Variants in UGT2B15 observed in about 807,000 individuals in gnomAD.
UGT2B15 encodes UDP glucuronosyltransferase family 2 member B15.
UGT2B15 carries 36 observed loss-of-function variants against 45.9 expected under a neutral mutation model. The ratio of observed to expected loss-of-function variants is 0.78; its 90% CI spans 0.60 to 1.04. The LOEUF (loss-of-function observed/expected upper bound fraction) is 1.04, where lower values mean the gene tolerates loss of function less well. Among genes scored for constraint, UGT2B15 ranks in the 50% least tolerant of loss-of-function variants. The probability of loss-of-function intolerance (pLI) is 0.00; values close to 1 mark genes in which losing one functional copy is unlikely to be tolerated. For missense variants in UGT2B15, 617 were observed against 622.4 expected (o/e 0.99, Z 0.09); for synonymous variants, 219 against 216.4 (o/e 1.01, Z -0.11).
rs748258349 is a variant in UGT2B15, at chr4:68,670,443, G to A, written c.176C>T (p.Ser59Leu). 9.9e-6 allele frequency: 16 copies of A among 1,613,768 alleles called. No homozygotes were observed. Among genetic ancestry groups the A allele is most frequent in the Middle Eastern group, 3.3e-4 (2 of 6,062 alleles). The change falls in exon 1 of 6, where the codon TCG becomes TTG. Residue 59 changes from serine (S) to leucine (L), a missense_variant. Physicochemically the swap from Ser to Leu is moderately radical, Grantham distance 145. This residue lies in a region of UGT2B15 where 351 missense variants were observed against 342.1 expected (regional missense o/e 1.03). Coordinates refer to ENST00000338206, the MANE Select transcript of UGT2B15 (RefSeq NM_001076.4). ...RGHEVTVLTS[S>L]ASTLVNASKS... ...ACTGGCATTGACAAGAGTAGAAGCC[G>A]AAGATGTCAACACAGTCACCTCATG... is the stretch of plus-strand genomic sequence containing the variant.
intron 1 of UGT2B15, 72 bp downstream of exon 1, chr4:68,669,823 T>C (rs1578202205): frequency 1.3e-6 from 2 of 1,519,822 alleles, no homozygotes; most frequent in Non-Finnish European, 1.8e-6. Flanking sequence ...TGACATTATA[T>C]TTATATAAGC....
rs776445543 is a variant in UGT2B15, at chr4:68,647,182, C to T, written c.1515G>A (p.Val505=). ...GGCAAAATTTTGTGATGATAAATAT[C>T]ACAGTTGCCACGCAGGCCAGCAGGA... ...IAFLLACVAT[V]IFIITKFCLF... The change falls in exon 6 of 6, where the codon GTG becomes GTA. Residue 505 remains valine, a synonymous_variant. Coordinates refer to ENST00000338206, the MANE Select transcript of UGT2B15 (RefSeq NM_001076.4). 37 of 1,613,750 alleles carry T rather than the reference C, an allele frequency of 2.3e-5. 1 individual carries two copies. The highest frequency in any genetic ancestry group is 2.0e-4 in the South Asian group (18 of 91,070).
At chr4:68,655,642 T>C (rs1732782053) in intron 3 of UGT2B15, among the ~76,000 whole-genome samples, 1 of 152,096 alleles carries the variant, frequency 6.6e-6, no homozygotes, top group Non-Finnish European at 1.5e-5. Flanking sequence ...ACCTATGACC[T>C]GGAAGCCCCT....
chr4:68,650,086 A>G (rs12507243), intron 5 of UGT2B15, among the ~76,000 whole-genome samples: 20 of 151,936 alleles, frequency 1.3e-4, no homozygotes, highest in Admixed American at 1.3e-3. Flanking sequence ...TGCCCTCCTC[A>G]GCCTCCCAAA....
chr4:68,652,718 T>TAAAA (rs879826657), intron 5 of UGT2B15, among the ~76,000 whole-genome samples: 3 of 148,292 alleles, frequency 2.0e-5, no homozygotes, highest in Non-Finnish European at 1.5e-5. Flanking sequence ...TTCCAAAAAG[T>TAAAA]AAAAAAAAAA....
At position 68,655,135 on chromosome 4, in the gene UGT2B15, A is replaced by G. The variant is rs1172631602; in HGVS notation, c.1053T>C (p.Asn351=). 6 of 1,613,352 alleles carry G rather than the reference A, an allele frequency of 3.7e-6. No individual in the cohort carries two copies. The South Asian group carries it at 4.4e-5, about 12-fold the overall frequency. Residue 351 remains asparagine, a synonymous_variant, in exon 4 of 6, where the codon AAT becomes AAC. Coordinates refer to ENST00000338206, the MANE Select transcript of UGT2B15 (RefSeq NM_001076.4). The part of the protein sequence containing the change: ...DGKKPNTLGS[N]TRLYKWLPQN... ...GGGGTAACCACTTGTACAGTCGAGT[A>G]TTGGAACCTAAAGTATTTGGCTTCT...
At chr4:68,649,331 T>C (rs1256567308) in intron 5 of UGT2B15, among the ~76,000 whole-genome samples, 12 of 133,584 alleles carry the variant, frequency 9.0e-5, no homozygotes, top group Non-Finnish European at 1.5e-4. Flanking sequence ...CAGGCTTGAG[T>C]GCAATGGAGT....
At chr4:68,656,637 C>T (rs868282115) in intron 3 of UGT2B15, among the ~76,000 whole-genome samples, 2 of 152,068 alleles carry the variant, frequency 1.3e-5, no homozygotes, top group African/African-American at 4.8e-5. Flanking sequence ...TTTACTTTTC[C>T]TCCACCCTAT....
At position 68,660,224 on chromosome 4, in the gene UGT2B15, A is replaced by C. The variant is rs542155965; in HGVS notation, c.1005+2784T>G. Among the ~76,000 whole-genome samples the C allele has an allele frequency of 7.3e-4, 110 of 151,188 alleles. 1 individual carries two copies. The highest frequency in any genetic ancestry group is 1.7e-3 in the Admixed American group (25 of 15,132). On this transcript the variant is annotated intron_variant, in intron 3 of 5. Coordinates refer to ENST00000338206, the MANE Select transcript of UGT2B15 (RefSeq NM_001076.4). ...TTAGGGAATCAAACTTAACTTATGGAGCCAATAAAACCCCTTGGGAAAACT... is the reference window on the plus strand; with the variant it reads ...TTAGGGAATCAAACTTAACTTATGGCGCCAATAAAACCCCTTGGGAAAACT...
chr4:68,662,354 G>A (rs1302695678), intron 3 of UGT2B15, among the ~76,000 whole-genome samples: 1 of 150,944 alleles, frequency 6.6e-6, no homozygotes, highest in Non-Finnish European at 1.5e-5. Context: ...TTCTGCTTAA[G>A]ACATTAGCGG....
intron 5 of UGT2B15, among the ~76,000 whole-genome samples, chr4:68,652,363 C>G (rs976168143): frequency 2.0e-5 from 3 of 151,642 alleles, no homozygotes; most frequent in Non-Finnish European, 4.4e-5. Flanking sequence ...ATTTGAATAC[C>G]CTTTATTTCT....
chr4:68,669,710 G>C (rs1297963744), intron 1 of UGT2B15, among the ~76,000 whole-genome samples, 185 bp downstream of exon 1: 2 of 152,030 alleles, frequency 1.3e-5, no homozygotes, highest in Non-Finnish European at 2.9e-5. Flanking sequence ...GATGGCCCCA[G>C]GGTTCTAACT....
intron 3 of UGT2B15, among the ~76,000 whole-genome samples, chr4:68,662,414 A>T (rs1225029855): frequency 6.7e-6 from 1 of 148,622 alleles, no homozygotes; most frequent in African/African-American, 2.5e-5. Flanking sequence ...CTCTAAATCT[A>T]CTTGGCTAGG....
Position 68,647,134 on chromosome 4 carries a change from G to T in UGT2B15, c.1563C>A (p.Ala521=). 1 of 1,611,702 alleles carries T rather than the reference G, an allele frequency of 6.2e-7. No homozygotes were observed. The highest frequency in any genetic ancestry group is 1.3e-5 in the African/African-American group (1 of 74,382). Residue 521 remains alanine (A), a synonymous_variant, in exon 6 of 6, where the codon GCC becomes GCA. Transcript: ENST00000338206. ...CTCTTTTCTTCTTCTTTCCTTTTTTGGCAAGCTTTCGGAAACAAAACAGGC... is the reference window on the plus strand; with the variant it reads ...CTCTTTTCTTCTTCTTTCCTTTTTTTGCAAGCTTTCGGAAACAAAACAGGC... ...KFCLFCFRKL[A]KKGKKKKRD
At chr4:68,655,282 T>C (rs1732772418) in intron 3 of UGT2B15, 100 bp from the exon 4 acceptor site, 1 of 1,394,400 alleles carries the variant, frequency 7.2e-7, no homozygotes, top group South Asian at 1.3e-5. Context: ...TTAATCCATA[T>C]AAAAGATGAA....
At chr4:68,659,362 C>T (rs1732896570) in intron 3 of UGT2B15, among the ~76,000 whole-genome samples, 1 of 151,752 alleles carries the variant, frequency 6.6e-6, no homozygotes, top group Non-Finnish European at 1.5e-5. Context: ...CTAAGTAATC[C>T]TTTAATTTAT....
At position 68,647,047 on chromosome 4, in the gene UGT2B15, C is replaced by T; in HGVS notation, c.*57G>A. On this transcript the variant is annotated 3_prime_UTR_variant, in exon 6 of 6. Transcript: ENST00000338206. ...AATCCTCCATTTAAAACCCTCCATGCTGAAATAAAGGAGGAGTCCCATCTT... is the reference window on the plus strand; with the variant it reads ...AATCCTCCATTTAAAACCCTCCATGTTGAAATAAAGGAGGAGTCCCATCTT... 6.4e-7 allele frequency: 1 copy of T among 1,554,752 alleles called. No homozygotes were observed. Among genetic ancestry groups the T allele is most frequent in the Non-Finnish European group, 8.7e-7 (1 of 1,150,178 alleles).
chr4:68,655,204 CT>C, intron 3 of UGT2B15, 22 bp from the exon 4 acceptor site: 1 of 1,610,612 alleles, frequency 6.2e-7, no homozygotes, highest in Non-Finnish European at 8.5e-7. Context: ...AGGAAAATAT[CT>C]TGTTCAATGA....
At chr4:68,656,095 T>C (rs1468402157) in intron 3 of UGT2B15, among the ~76,000 whole-genome samples, 1 of 152,128 alleles carries the variant, frequency 6.6e-6, no homozygotes, top group Admixed American at 6.5e-5. Flanking sequence ...TTTATTTTGC[T>C]GTACAACTCC....
Sources: allele counts gnomAD v4.1 joint callset (sites outside exome capture counted in the v4.1 genomes callset), GRCh38; gene constraint gnomAD v4.1.1; regional missense constraint gnomAD v4.1.1; transcripts MANE v1.5; gene names NCBI Gene and HGNC (gene_info 2026-07-23, HGNC 2026-07-21).